Variants in WDR11 observed in about 807,000 individuals in gnomAD.
WDR11 encodes WD repeat domain 11, also known as WD repeat-containing protein 11.
Under a neutral mutation model 151.2 loss-of-function variants are expected in WDR11, and 83 were observed. That is an observed-to-expected ratio of 0.55 (90% CI 0.46 to 0.66). The LOEUF (loss-of-function observed/expected upper bound fraction) is 0.66. Among genes scored for constraint, WDR11 ranks in the 30% least tolerant of loss-of-function variants. The pLI, the probability that WDR11 is intolerant of heterozygous loss-of-function variation, is 0.00. For missense variants in WDR11, 1,301 were observed against 1,480.9 expected (o/e 0.88, Z 1.99); for synonymous variants, 484 against 533.1 (o/e 0.91, Z 1.27).
intron 16 of WDR11, 60 bp from the exon 17 acceptor site, chr10:120,889,018 A>G: frequency 8.0e-7 from 1 of 1,242,342 alleles, no homozygotes; most frequent in South Asian, 1.3e-5. Context: ...TAAAATATTT[A>G]TTATAATGTC....
At chr10:120,862,636 T>C (rs1186088180) in intron 4 of WDR11, 99 bp from the exon 5 acceptor site, 19 of 1,226,940 alleles carry the variant, frequency 1.5e-5, no homozygotes, top group Non-Finnish European at 2.2e-5. Flanking sequence ...TTATATATTA[T>C]TAAAATTATC....
chr10:120,878,732 G>T (rs2133771696), intron 12 of WDR11, among the ~76,000 whole-genome samples: 1 of 152,218 alleles, frequency 6.6e-6, no homozygotes, highest in Non-Finnish European at 1.5e-5. Context: ...ACTTTTAAGT[G>T]CATTGTTATA....
Position 120,905,934 on chromosome 10 carries a change from G to T in WDR11, c.3350G>T (p.Cys1117Phe). The change falls in exon 27 of 29, where the codon TGT becomes TTT. Residue 1117 changes from cysteine to phenylalanine, a missense_variant. This residue lies in a region of WDR11 where 589 missense variants were observed against 670.6 expected (regional missense o/e 0.88). Coordinates refer to ENST00000263461, the MANE Select transcript of WDR11 (RefSeq NM_018117.12). ...DVLRRWVDHL[C>F]SPQVNQKSKA... ...TTAAGGCGGTGGGTTGACCACCTTT[G>T]TTCTCCACAAGTCAATCAGAAATCA... is the stretch of plus-strand genomic sequence containing the variant. 6.2e-7 allele frequency: 1 copy of T among 1,614,156 alleles called. No homozygotes were observed. Among genetic ancestry groups the T allele is most frequent in the Non-Finnish European group, 8.5e-7 (1 of 1,180,040 alleles).
chr10:120,866,807 GT>G, intron 8 of WDR11, 43 bp downstream of exon 8: 1 of 1,607,080 alleles, frequency 6.2e-7, no homozygotes, highest in Non-Finnish European at 8.5e-7. Flanking sequence ...TTTGTTTCCT[GT>G]TTCCTTTTAT....
chr10:120,856,568 C>CTT (rs923981874), intron 2 of WDR11, among the ~76,000 whole-genome samples: 2 of 105,794 alleles, frequency 1.9e-5, no homozygotes, highest in African/African-American at 7.2e-5. Flanking sequence ...GAATAAGACT[C>CTT]TGTCTCCAAA....
intron 12 of WDR11, 157 bp from the exon 13 acceptor site, chr10:120,880,669 C>T (rs2133774659): frequency 2.9e-6 from 2 of 701,304 alleles, no homozygotes; most frequent in South Asian, 3.6e-5. Context: ...AAAAAAAAAC[C>T]CGAAAAAACA....
chr10:120,865,523 A>ATTT, intron 6 of WDR11, 107 bp from the exon 7 acceptor site: 3 of 762,440 alleles, frequency 3.9e-6, no homozygotes, highest in Non-Finnish European at 6.3e-6. Flanking sequence ...GGATTTGTCT[A>ATTT]TTTTTTTTTC....
chr10:120,866,980 C>A, intron 8 of WDR11, 86 bp from the exon 9 acceptor site: 1 of 1,187,766 alleles, frequency 8.4e-7, no homozygotes, highest in Non-Finnish European at 1.2e-6. Flanking sequence ...GATAGAATGC[C>A]ATAATCTGGA....
chr10:120,908,619 A>C lies in WDR11; in HGVS notation c.3581A>C (p.Gln1194Pro). 1 of 1,614,222 alleles carries C rather than the reference A, an allele frequency of 6.2e-7. No homozygotes were observed. Among genetic ancestry groups the C allele is most frequent in the South Asian group, 1.1e-5 (1 of 91,078 alleles). The change falls in exon 29 of 29, where the codon CAG (glutamine) becomes CCG (proline). Residue 1194 changes from glutamine (Q) to proline (P), a missense_variant. Physicochemically the swap from Gln to Pro is moderately conservative, Grantham distance 76 (BLOSUM62 -1). This residue lies in a region of WDR11 where 589 missense variants were observed against 670.6 expected (regional missense o/e 0.88). Transcript: ENST00000263461. ...AGTTTGAAGAACCTCGGTTTTAAGC[A>C]GGGAGCAGTTCTCTTTGCTTCAAAA... ...ARSLKNLGFKQGAVLFASKAG... is the reference protein window; with the variant it reads ...ARSLKNLGFKPGAVLFASKAG...
chr10:120,889,858 C>T, intron 17 of WDR11, 37 bp from the exon 18 acceptor site: 2 of 1,408,738 alleles, frequency 1.4e-6, no homozygotes, highest in Non-Finnish European at 2.0e-6. Context: ...AGATCTCACT[C>T]TACATTGTAT....
Position 120,855,995 on chromosome 10 carries a change from A to G in WDR11, c.199-2648A>G, listed in dbSNP as rs1051023250. ...TGTAAGGTATAGGGTGTTTTGGGAA[A>G]AATATATTTACCTTCTCTTTCCCTC... On this transcript the variant is annotated intron_variant, in intron 2 of 28. Transcript: ENST00000263461. 4 of 152,194 alleles carry G rather than the reference A, an allele frequency of 2.6e-5. No homozygotes were observed. The South Asian group carries it at 8.3e-4, about 32-fold the overall frequency. The allele number at this position is 152,194 out of a possible 1,614,324, so 9.4% of individuals were successfully genotyped here.
rs187401389 is a variant in WDR11 at position 120,890,373 on chromosome 10, C to T, written c.2344-343C>T. ...GATTATAGGCATGTGCCACCACGCC[C>T]GGCTAATGTTTTGTATTTTTAGTAG... On this transcript the variant is annotated intron_variant, in intron 18 of 28. Transcript: ENST00000263461. Among the ~76,000 whole-genome samples, 489 of 152,166 alleles carry T rather than the reference C, an allele frequency of 3.2e-3. 2 individuals are homozygous for T. The highest frequency in any genetic ancestry group is 0.011 in the African/African-American group (465 of 41,528).
intron 19 of WDR11, among the ~76,000 whole-genome samples, chr10:120,894,754 G>T (rs963381739): frequency 6.6e-6 from 1 of 152,224 alleles, no homozygotes; most frequent in African/African-American, 2.4e-5. Flanking sequence ...AGATGGAGCA[G>T]AATCCGTGAC....
chr10:120,908,684 T>TC lies in WDR11; in HGVS notation c.3651dup (p.Lys1218GlnfsTer6). The TC allele has an allele frequency of 1.2e-6, 2 of 1,613,984 alleles. No homozygotes were observed. Among genetic ancestry groups the TC allele is most frequent in the Non-Finnish European group, 1.7e-6 (2 of 1,180,014 alleles). ...CAAAGACTTATTGAATGAGCTTGAGTCCCCCAAGGAAGAACCCATTGAAGA... is the reference window on the plus strand; with the variant it reads ...CAAAGACTTATTGAATGAGCTTGAGTCCCCCCAAGGAAGAACCCATTGAAGA... On this transcript the variant is annotated frameshift_variant, in exon 29 of 29. Transcript: ENST00000263461. LOFTEE classifies it high-confidence loss of function.
chr10:120,862,397 C>T, intron 4 of WDR11: 1 of 219,814 alleles, frequency 4.5e-6, no homozygotes, highest in Non-Finnish European at 9.1e-6. Context: ...CTCTGCCTCC[C>T]AAAGTGCTGG....
At chr10:120,851,539 C>T (rs1444875548) in intron 1 of WDR11, 33 bp downstream of exon 1, 1 of 1,599,078 alleles carries the variant, frequency 6.3e-7, no homozygotes, top group Non-Finnish European at 8.5e-7. Context: ...TCGCCAGGAT[C>T]GGCCAGGAAT....
intron 2 of WDR11, among the ~76,000 whole-genome samples, chr10:120,857,805 C>T (rs920524165): frequency 6.6e-6 from 1 of 152,130 alleles, no homozygotes; most frequent in Non-Finnish European, 1.5e-5. Context: ...GGACACTGTA[C>T]TAAGTCTGAG....
chr10:120,853,569 T>C (rs1590049142), intron 2 of WDR11, among the ~76,000 whole-genome samples: 1 of 152,064 alleles, frequency 6.6e-6, no homozygotes, highest in East Asian at 1.9e-4. Context: ...CCAGCAGGAA[T>C]TTGGATTTTT....
intron 4 of WDR11, among the ~76,000 whole-genome samples, chr10:120,862,274 G>T (rs979169447): frequency 6.6e-6 from 1 of 151,878 alleles, no homozygotes; most frequent in African/African-American, 2.4e-5. Flanking sequence ...TGAGTTGCTG[G>T]GATTACAGGT....
Sources: gnomAD v4.1 joint callset for allele counts (sites outside exome capture counted in the v4.1 genomes callset) on GRCh38, gnomAD v4.1.1 for gene constraint, gnomAD v4.1.1 regional missense constraint, MANE v1.5 for transcripts, NCBI Gene and HGNC (gene_info 2026-07-23, HGNC 2026-07-21) for gene names.